ASH1L: variants seen among roughly 807,000 people sequenced by gnomAD.
ASH1L encodes histone-lysine N-methyltransferase ASH1L.
Under a neutral mutation model 269.0 loss-of-function variants are expected in ASH1L, and 23 were observed. That is an observed-to-expected ratio of 0.09 (90% CI 0.06 to 0.12). The LOEUF is 0.12. ASH1L is among the 10% of genes least tolerant of loss of function. ASH1L has a pLI of 1.00. For missense variants in ASH1L, 2,912 were observed against 3,567.8 expected, an observed-to-expected ratio of 0.82 and a Z score of 4.68; for synonymous variants, 1,187 against 1,253.5, an observed-to-expected ratio of 0.95 and a Z score of 1.12.
chr1:155,538,500 G>A (rs1238571751), intron 1 of ASH1L, among the ~76,000 whole-genome samples: 1 of 151,926 alleles, frequency 6.6e-6, no homozygotes, highest in Non-Finnish European at 1.5e-5. Flanking sequence ...CGGGACTACA[G>A]GAACGCACCA....
At chr1:155,444,213 C>T (rs1347185841) in intron 4 of ASH1L, among the ~76,000 whole-genome samples, 1 of 152,096 alleles carries the variant, frequency 6.6e-6, no homozygotes, top group African/African-American at 2.4e-5. Flanking sequence ...AATTCCTGAC[C>T]TCAAATGATC....
intron 1 of ASH1L, among the ~76,000 whole-genome samples, chr1:155,553,212 T>C (rs1233590740): frequency 7.2e-5 from 11 of 152,190 alleles, no homozygotes; most frequent in Admixed American, 5.2e-4. Context: ...CAACTAATTA[T>C]ACATTTTTAG....
chr1:155,396,625 A>C (rs1415844564), intron 6 of ASH1L, among the ~76,000 whole-genome samples: 2 of 152,012 alleles, frequency 1.3e-5, no homozygotes, highest in Non-Finnish European at 2.9e-5. Flanking sequence ...GTTCCAGTGA[A>C]TAAGACAAAG....
intron 5 of ASH1L, among the ~76,000 whole-genome samples, chr1:155,425,894 G>GT (rs35782870): frequency 0.57 from 81,660 of 143,432 alleles, 25,605 homozygotes; most frequent in Non-Finnish European, 0.72. Flanking sequence ...TTTTTGTGGT[G>GT]TTTTTTTTTT....
rs563330606 is a variant in ASH1L, at chr1:155,366,559, T to C, written c.6686+3945A>G. ...TGTATTTTTCCATTAATTTAGGTCA[T>C]CTTTATTTTTTCCCAACTTCTGACA... On this transcript the variant is annotated intron_variant, in intron 12 of 27. Coordinates refer to ENST00000392403, the MANE Select transcript of ASH1L (RefSeq NM_018489.3). Among the ~76,000 whole-genome samples, 7 of 152,310 alleles carry C rather than the reference T, an allele frequency of 4.6e-5. No homozygotes were observed. The East Asian group carries it at 1.2e-3, about 25-fold the overall frequency.
intron 6 of ASH1L, among the ~76,000 whole-genome samples, chr1:155,401,811 G>A (rs559735148): frequency 3.3e-5 from 5 of 150,710 alleles, no homozygotes; most frequent in Non-Finnish European, 4.4e-5. Context: ...ACTGGCTTCC[G>A]GGAACAGTGG....
rs77111624 is a variant in ASH1L, at chr1:155,503,022, T to C, written c.420+18078A>G. ...TACCAAGCTCCCCTGCCTTGGCTTA[T>C]AATTTTCAGCATCTGCTTTTGATCT... On this transcript the variant is annotated intron_variant, in intron 2 of 27. Coordinates refer to ENST00000392403, the MANE Select transcript of ASH1L (RefSeq NM_018489.3). Among the ~76,000 whole-genome samples, 934 of 152,302 alleles carry C rather than the reference T, an allele frequency of 6.1e-3. 10 individuals carry two copies. The highest frequency in any genetic ancestry group is 0.022 in the African/African-American group (910 of 41,562).
chr1:155,433,135 T>C (rs1360409405), intron 5 of ASH1L: 1 of 1,437,186 alleles, frequency 7.0e-7, no homozygotes, highest in Non-Finnish European at 9.3e-7. Context: ...TATAAAAATA[T>C]TTGACATTTC....
intron 5 of ASH1L, among the ~76,000 whole-genome samples, chr1:155,431,655 G>A (rs1219195236): frequency 1.3e-5 from 2 of 152,100 alleles, no homozygotes; most frequent in African/African-American, 2.4e-5. Flanking sequence ...CAGCCACTGT[G>A]GGGGAGGGAT....
chr1:155,488,104 C>A (rs1287810046), intron 2 of ASH1L, among the ~76,000 whole-genome samples: 1 of 150,264 alleles, frequency 6.7e-6, no homozygotes, highest in Non-Finnish European at 1.5e-5. Context: ...CCAGGCTGGT[C>A]TTGAACTCCT....
At chr1:155,398,871 C>T (rs1269189194) in intron 6 of ASH1L, among the ~76,000 whole-genome samples, 1 of 151,984 alleles carries the variant, frequency 6.6e-6, no homozygotes, top group African/African-American at 2.4e-5. Flanking sequence ...CAGGTGCATG[C>T]TACCACGAAG....
intron 5 of ASH1L, among the ~76,000 whole-genome samples, chr1:155,425,848 G>C (rs1346417938): frequency 1.3e-5 from 2 of 151,258 alleles, no homozygotes; most frequent in Admixed American, 6.6e-5. Flanking sequence ...AAAGTACCAG[G>C]ATTACAGGTG....
intron 7 of ASH1L, 49 bp from the exon 8 acceptor site, chr1:155,380,165 T>C: frequency 1.4e-6 from 2 of 1,401,892 alleles, no homozygotes; most frequent in South Asian, 1.2e-5. Context: ...AATATTTGCT[T>C]ATACAAAGGT....
At chr1:155,403,085 T>C (rs959765536) in intron 6 of ASH1L, among the ~76,000 whole-genome samples, 2 of 151,602 alleles carry the variant, frequency 1.3e-5, no homozygotes, top group African/African-American at 4.8e-5. Context: ...CTTGGGAGGC[T>C]GAGACAGGAG....
At chr1:155,379,215 T>A (rs1213400580) in intron 8 of ASH1L, among the ~76,000 whole-genome samples, 1 of 152,160 alleles carries the variant, frequency 6.6e-6, no homozygotes, top group Non-Finnish European at 1.5e-5. Flanking sequence ...TATATTGGAA[T>A]AATCCCACCA....
chr1:155,452,332 T>C (rs539303879), intron 4 of ASH1L, among the ~76,000 whole-genome samples: 49 of 152,126 alleles, frequency 3.2e-4, no homozygotes, highest in Admixed American at 1.8e-3. Context: ...ACCGACTGCG[T>C]CCTGCCGGTA....
At chr1:155,378,604 C>A in intron 8 of ASH1L, 56 bp from the exon 9 acceptor site, 2 of 1,350,408 alleles carry the variant, frequency 1.5e-6, no homozygotes, top group Middle Eastern at 2.3e-4. Context: ...TGCCAGACGG[C>A]AGCATCAATC....
rs375208058 is a variant in ASH1L at position 155,482,399 on chromosome 1, G to A, written c.471C>T (p.Cys157=). 1.1e-5 allele frequency: 17 copies of A among 1,613,786 alleles called. No individual in the cohort carries two copies. Among genetic ancestry groups the A allele is most frequent in the Non-Finnish European group, 1.4e-5 (17 of 1,179,912 alleles). ...KKADDVAAIE[C]QSEEVIRLHS... ...GAAGACGGATGACTTCTTCAGACTG[G>A]CATTCAATGGCTGCAACATCATCTG... The change falls in exon 3 of 28, where the codon TGC becomes TGT. Residue 157 remains cysteine, a synonymous_variant. Coordinates refer to ENST00000392403, the MANE Select transcript of ASH1L (RefSeq NM_018489.3).
At chr1:155,556,008 T>TG (rs1360373890) in intron 1 of ASH1L, among the ~76,000 whole-genome samples, 1 of 152,234 alleles carries the variant, frequency 6.6e-6, no homozygotes. Context: ...TGTTGATAAC[T>TG]GCTGAAGCTG....
Sources: gnomAD v4.1 joint callset for allele counts (sites outside exome capture counted in the v4.1 genomes callset) on GRCh38, gnomAD v4.1.1 for gene constraint, MANE v1.5 for transcripts, NCBI Gene and HGNC (gene_info 2026-07-23, HGNC 2026-07-21) for gene names.